PSMC6: variants seen among roughly 807,000 people sequenced by gnomAD.
PSMC6 encodes the protein proteasome 26S subunit, ATPase 6, also known as 26S proteasome regulatory subunit 10B.
A neutral mutation model predicts 55.9 loss-of-function variants in PSMC6; 3 were observed. That is an observed-to-expected ratio of 0.05 (90% CI 0.02 to 0.14). PSMC6 has a LOEUF of 0.14. Ranked by LOEUF, PSMC6 falls within the 10% of genes least tolerant of loss-of-function variation. PSMC6 has a pLI of 1.00. For missense variants in PSMC6, 210 were observed against 478.7 expected (o/e 0.44, Z 5.24); for synonymous variants, 137 against 155.9 (o/e 0.88, Z 0.90).
In PSMC6 at chr14:52,718,157, A is replaced by C; in HGVS notation, c.591+15A>C. ...ATTTCTTAAAGGTAAAGGGAAGATT[A>C]TTTTGTACTTATTGAAATTTAATTT... On this transcript the variant is annotated intron_variant, in intron 8 of 13. Transcript: ENST00000445930. The C allele has an allele frequency of 1.2e-6, 2 of 1,612,236 alleles. No individual in the cohort carries two copies. The highest frequency in any genetic ancestry group is 1.7e-6 in the Non-Finnish European group (2 of 1,178,468).
At chr14:52,708,226 C>A in intron 1 of PSMC6, 83 bp from the exon 2 acceptor site, 1 of 1,182,792 alleles carries the variant, frequency 8.5e-7, no homozygotes, top group Non-Finnish European at 1.2e-6. Context: ...AGTAGACTTA[C>A]GTAAACAGTA....
At chr14:52,708,722 C>T in intron 3 of PSMC6, 42 bp from the exon 4 acceptor site, 1 of 1,608,962 alleles carries the variant, frequency 6.2e-7, no homozygotes, top group Non-Finnish European at 8.5e-7. Flanking sequence ...TATTTTTTTA[C>T]TTTCTATTTT....
intron 6 of PSMC6, 131 bp downstream of exon 6, chr14:52,711,655 A>C (rs2041773874): frequency 2.2e-6 from 1 of 455,750 alleles, no homozygotes; most frequent in Admixed American, 4.2e-5. Context: ...TGTATTTACT[A>C]TTCTTGCTAA....
In PSMC6 at chr14:52,727,780, A is replaced by G. The variant is rs1423526999; in HGVS notation, c.*163A>G. 2.0e-6 allele frequency: 1 copy of G among 489,030 alleles called. No individual in the cohort carries two copies. 30.3% of individuals were successfully genotyped at this position (489,030 alleles called of 1,614,324 possible). On this transcript the variant is annotated 3_prime_UTR_variant, in exon 14 of 14. Coordinates refer to ENST00000445930, the MANE Select transcript of PSMC6 (RefSeq NM_002806.5). Reference sequence around the variant, plus strand: ...AGTAATTCAACTTTTAAGATACAGAAGAAATTTGTATGTTTGTTAAAGTTG... The same window carrying G: ...AGTAATTCAACTTTTAAGATACAGAGGAAATTTGTATGTTTGTTAAAGTTG...
chr14:52,710,707 C>T, intron 4 of PSMC6: 1 of 220,970 alleles, frequency 4.5e-6, no homozygotes, highest in Non-Finnish European at 9.0e-6. Flanking sequence ...CACATTCTTC[C>T]CAGAAGCTGT....
chr14:52,715,691 G>A (rs919210137), intron 7 of PSMC6, among the ~76,000 whole-genome samples: 4 of 148,080 alleles, frequency 2.7e-5, no homozygotes, highest in South Asian at 4.2e-4. Flanking sequence ...ATCCTGGCTC[G>A]CTGCAACTTC....
Position 52,727,788 on chromosome 14 carries a change from G to GT in PSMC6, c.*172dup, listed in dbSNP as rs1169232470. ...AACTTTTAAGATACAGAAGAAATTT[G>GT]TATGTTTGTTAAAGTTGCATTTATT... On this transcript the variant is annotated 3_prime_UTR_variant, in exon 14 of 14. Transcript: ENST00000445930. 2 of 477,716 alleles carry GT rather than the reference G, an allele frequency of 4.2e-6. No individual in the cohort carries two copies. The highest frequency in any genetic ancestry group is 4.0e-5 in the African/African-American group (2 of 50,460). The allele number at this position is 477,716 out of a possible 1,614,324, so 29.6% of individuals were successfully genotyped here. A position where few individuals can be genotyped will look rare whatever the true frequency, so the allele number is the denominator to read the frequency against.
chr14:52,715,641 T>TGTTA, intron 7 of PSMC6, among the ~76,000 whole-genome samples: 1 of 148,684 alleles, frequency 6.7e-6, no homozygotes, highest in South Asian at 2.1e-4. Flanking sequence ...TTTGATAAGG[T>TGTTA]GTTACTCTGT....
chr14:52,711,075 T>C, intron 4 of PSMC6, 26 bp from the exon 5 acceptor site: 1 of 1,563,132 alleles, frequency 6.4e-7, no homozygotes, highest in Non-Finnish European at 8.8e-7. Context: ...AGTGTTGATG[T>C]AATATCTTTT....
At chr14:52,722,080 T>G (rs927617264) in intron 12 of PSMC6, 1 of 152,250 alleles carries the variant, frequency 6.6e-6, no homozygotes, top group Non-Finnish European at 1.5e-5. Flanking sequence ...TTGTTTGTTT[T>G]TTAAATTGAT....
chr14:52,719,426 C>T (rs1283974499), intron 10 of PSMC6, among the ~76,000 whole-genome samples: 1 of 152,220 alleles, frequency 6.6e-6, no homozygotes, highest in East Asian at 1.9e-4. Flanking sequence ...ATTTTTTTCT[C>T]TCACTTTATT....
chr14:52,708,686 C>T, intron 3 of PSMC6, 78 bp from the exon 4 acceptor site: 2 of 1,590,068 alleles, frequency 1.3e-6, no homozygotes, highest in Non-Finnish European at 1.7e-6. Flanking sequence ...AGAAATACAA[C>T]TAAACCCTCT....
At position 52,718,086 on chromosome 14, in the gene PSMC6, G is replaced by A; in HGVS notation, c.535G>A (p.Gly179Arg). ...ACTTCTTTTGTCATTCTTAGGTACG[G>A]GAAAAACACTCTTGGCACGAGCCGT... ...GCLLYGPPGT[G>R]KTLLARAVAS... The change falls in exon 8 of 14, where the codon GGA (glycine) becomes AGA (arginine). Residue 179 changes from glycine to arginine, a missense_variant. By Grantham distance (125) the Gly-to-Arg change is moderately radical. Around this residue, in one of 4 missense-constraint regions of PSMC6, gnomAD observed 101 missense variants for 250.4 expected, o/e 0.40. Coordinates refer to ENST00000445930, the MANE Select transcript of PSMC6 (RefSeq NM_002806.5). 6.2e-7 allele frequency: 1 copy of A among 1,612,846 alleles called. No homozygotes were observed. Among genetic ancestry groups the A allele is most frequent in the Non-Finnish European group, 8.5e-7 (1 of 1,179,906 alleles).
chr14:52,721,250 A>G, intron 12 of PSMC6, 60 bp downstream of exon 12: 1 of 1,339,600 alleles, frequency 7.5e-7, no homozygotes, highest in Non-Finnish European at 1.0e-6. Context: ...AAATACTTTT[A>G]GAAATTACTG....
rs1317908812 is a variant in PSMC6, at chr14:52,713,365, CGTGGCAA to C, written c.442-515_442-509del. On this transcript the variant is annotated intron_variant, in intron 6 of 13. Coordinates refer to ENST00000445930, the MANE Select transcript of PSMC6 (RefSeq NM_002806.5). ...GAACATACTGTTCTTTAAAAGCTGC[CGTGGCAA>C]AATGCCAACAGATAAAAATTGTATA... Among the ~76,000 whole-genome samples the C allele has an allele frequency of 8.5e-5, 13 of 152,158 alleles. 1 individual carries two copies. The highest frequency in any genetic ancestry group is 8.5e-4 in the Admixed American group (13 of 15,266).
At chr14:52,720,213 G>A (rs1469363292) in intron 10 of PSMC6, among the ~76,000 whole-genome samples, 2 of 115,726 alleles carry the variant, frequency 1.7e-5, no homozygotes, top group African/African-American at 7.0e-5. Context: ...CAGAGCGAGA[G>A]TCTGTCTCCA....
intron 7 of PSMC6, 74 bp from the exon 8 acceptor site, chr14:52,718,007 A>T: frequency 7.4e-7 from 1 of 1,359,420 alleles, no homozygotes; most frequent in Non-Finnish European, 1.0e-6. Flanking sequence ...CCTAGGTGAC[A>T]GAGTGATTGC....
chr14:52,712,601 C>T (rs192750232), intron 6 of PSMC6, among the ~76,000 whole-genome samples: 11 of 151,938 alleles, frequency 7.2e-5, no homozygotes, highest in African/African-American at 2.2e-4. Context: ...TTCCCAGTCA[C>T]GCTTTATGCA....
chr14:52,721,242 A>C, intron 12 of PSMC6, 52 bp downstream of exon 12: 2 of 1,389,228 alleles, frequency 1.4e-6, no homozygotes, highest in South Asian at 2.8e-5. Flanking sequence ...ATGAAGAAAA[A>C]TACTTTTAGA....
Sources: gnomAD v4.1 joint callset for allele counts (sites outside exome capture counted in the v4.1 genomes callset) on GRCh38, gnomAD v4.1.1 for gene constraint, gnomAD v4.1.1 regional missense constraint, MANE v1.5 for transcripts, NCBI Gene and HGNC (gene_info 2026-07-23, HGNC 2026-07-21) for gene names.